FAM135B: variants seen among roughly 807,000 people sequenced by gnomAD.
The protein encoded by FAM135B is protein FAM135B.
FAM135B carries 43 observed loss-of-function variants against 127.7 expected under a neutral mutation model. That is an observed-to-expected ratio of 0.34 (90% CI 0.26 to 0.43). The LOEUF is 0.43. Ranked by LOEUF, FAM135B falls within the 20% of genes least tolerant of loss-of-function variation. FAM135B has a pLI of 1.00. For synonymous variants in FAM135B, 670 were observed against 665.1 expected, an observed-to-expected ratio of 1.01 and a Z score of -0.11; for missense variants, 1,558 against 1,725.6, an observed-to-expected ratio of 0.90 and a Z score of 1.72.
intron 12 of FAM135B, among the ~76,000 whole-genome samples, chr8:138,162,863 T>C (rs1291032319): frequency 6.6e-6 from 1 of 152,168 alleles, no homozygotes; most frequent in Non-Finnish European, 1.5e-5. Flanking sequence ...CTTGAATGCC[T>C]TGTATAAATG....
At chr8:138,452,537 G>T (rs1288047046) in intron 1 of FAM135B, among the ~76,000 whole-genome samples, 1 of 152,090 alleles carries the variant, frequency 6.6e-6, no homozygotes, top group Non-Finnish European at 1.5e-5. Flanking sequence ...GCGAGCTTCA[G>T]CTTCTACATA....
In FAM135B at chr8:138,212,444, G is replaced by C. The variant is rs144394956; in HGVS notation, c.670-14775C>G. On this transcript the variant is annotated intron_variant, in intron 7 of 19. Coordinates refer to ENST00000395297, the MANE Select transcript of FAM135B (RefSeq NM_015912.4). ...GAAATAAGAGGGAAAAAGGAAATAA[G>C]AGGGAACTAAAGCCTCCTTTTCCTG... Among the ~76,000 whole-genome samples the C allele has an allele frequency of 2.2e-3, 341 of 152,316 alleles. 1 individual carries two copies. Among genetic ancestry groups the C allele is most frequent in the African/African-American group, 7.5e-3 (311 of 41,578 alleles).
intron 1 of FAM135B, among the ~76,000 whole-genome samples, chr8:138,374,215 T>G (rs924407479): frequency 5.9e-5 from 9 of 152,146 alleles, no homozygotes; most frequent in Middle Eastern, 3.2e-3. Context: ...AGCTGATGCT[T>G]AGGGAAAATA....
chr8:138,441,774 T>C (rs1587462097), intron 1 of FAM135B: 1 of 151,976 alleles, frequency 6.6e-6, no homozygotes, highest in East Asian at 2.0e-4. Context: ...AATTCGATCA[T>C]ATGAGTGGAC....
intron 1 of FAM135B, among the ~76,000 whole-genome samples, chr8:138,473,224 T>C (rs1381467017): frequency 6.6e-6 from 1 of 152,142 alleles, no homozygotes; most frequent in African/African-American, 2.4e-5. Flanking sequence ...GAATAAAACA[T>C]GCTGACCTAA....
chr8:138,404,595 A>G (rs1202567448), intron 1 of FAM135B, among the ~76,000 whole-genome samples: 1 of 152,146 alleles, frequency 6.6e-6, no homozygotes, highest in Non-Finnish European at 1.5e-5. Flanking sequence ...CCCAAATCCT[A>G]CAGCTGCCTT....
In FAM135B at chr8:138,467,823, T is replaced by C. The variant is rs1365560687; in HGVS notation, c.-20+28848A>G. 3.9e-5 allele frequency among the ~76,000 whole-genome samples: 6 copies of C among 152,130 alleles called. No individual in the cohort carries two copies. In the East Asian group the frequency reaches 9.6e-4, roughly 24 times the overall value. The stretch of plus-strand genomic sequence containing the variant: ...ATCTATAAGCAAATTTCTTGAAAAA[T>C]TGGGAAATTATGAATGTAGAGTATA... On this transcript the variant is annotated intron_variant, in intron 1 of 19. Coordinates refer to ENST00000395297, the MANE Select transcript of FAM135B (RefSeq NM_015912.4).
At chr8:138,488,957 G>T (rs1016361929) in intron 1 of FAM135B, among the ~76,000 whole-genome samples, 1 of 152,128 alleles carries the variant, frequency 6.6e-6, no homozygotes, top group African/African-American at 2.4e-5. Context: ...GAGCCATCAC[G>T]CCCGGCGTTT....
chr8:138,364,516 T>C (rs998942173), intron 2 of FAM135B, among the ~76,000 whole-genome samples: 13 of 152,214 alleles, frequency 8.5e-5, no homozygotes, highest in Non-Finnish European at 1.8e-4. Context: ...CATAAGATTA[T>C]GCCCTCATCC....
intron 11 of FAM135B, among the ~76,000 whole-genome samples, chr8:138,171,088 G>A (rs1820395556): frequency 6.6e-6 from 1 of 152,142 alleles, no homozygotes; most frequent in Admixed American, 6.5e-5. Flanking sequence ...CACGCTGCCA[G>A]CTCCCTTGGT....
intron 19 of FAM135B, among the ~76,000 whole-genome samples, chr8:138,135,272 G>A (rs1816550352): frequency 6.6e-6 from 1 of 152,152 alleles, no homozygotes; most frequent in Admixed American, 6.6e-5. Context: ...AAGAAAGTAG[G>A]CAAGGAAAAT....
intron 11 of FAM135B, among the ~76,000 whole-genome samples, chr8:138,172,895 A>G (rs10089766): frequency 0.63 from 96,036 of 152,094 alleles, 31,074 homozygotes; most frequent in East Asian, 0.98. Flanking sequence ...CTCCTCCCCT[A>G]CCTCACCCAT....
intron 15 of FAM135B, chr8:138,144,482 T>A (rs948264526): frequency 1.3e-5 from 2 of 150,302 alleles, no homozygotes; most frequent in African/African-American, 4.9e-5. Flanking sequence ...TTTCAGAGCC[T>A]ATTTCCTCAT....
intron 1 of FAM135B, among the ~76,000 whole-genome samples, chr8:138,426,011 A>G (rs1834843729): frequency 5.7e-5 from 1 of 17,612 alleles, no homozygotes; most frequent in Non-Finnish European, 1.0e-4. Context: ...ATATATATAT[A>G]TACACACACA....
intron 2 of FAM135B, among the ~76,000 whole-genome samples, chr8:138,336,211 G>T (rs1444982787): frequency 1.3e-5 from 2 of 151,994 alleles, no homozygotes; most frequent in Non-Finnish European, 2.9e-5. Context: ...AGAAGCAAGA[G>T]CAAACACATT....
rs114193509 is a variant in FAM135B, at chr8:138,176,353, C to T, written c.1103+994G>A. On this transcript the variant is annotated intron_variant, in intron 11 of 19. Coordinates refer to ENST00000395297, the MANE Select transcript of FAM135B (RefSeq NM_015912.4). ...GCAATATTTTTCTCAGTGACCCTCA[C>T]GGTTATGTTTGTATTTGTCAGATTA... 3.4e-3 allele frequency among the ~76,000 whole-genome samples: 514 copies of T among 152,328 alleles called. 2 individuals are homozygous for T. Among genetic ancestry groups the T allele is most frequent in the African/African-American group, 0.011 (448 of 41,580 alleles).
chr8:138,252,067 C>T (rs896502389), intron 5 of FAM135B, among the ~76,000 whole-genome samples: 2 of 152,164 alleles, frequency 1.3e-5, no homozygotes, highest in Non-Finnish European at 2.9e-5. Context: ...AGGGTGACTC[C>T]ATAGATTGAA....
intron 1 of FAM135B, among the ~76,000 whole-genome samples, chr8:138,370,965 G>C (rs1489113568): frequency 6.6e-6 from 1 of 152,150 alleles, no homozygotes; most frequent in Non-Finnish European, 1.5e-5. Context: ...ACCAAGTCTT[G>C]AGTCCCACAC....
At chr8:138,278,436 T>A (rs1378100433) in intron 3 of FAM135B, among the ~76,000 whole-genome samples, 1 of 151,934 alleles carries the variant, frequency 6.6e-6, no homozygotes, top group Non-Finnish European at 1.5e-5. Flanking sequence ...AATATGTGTT[T>A]GCTCAATTAA....
Sources: gnomAD v4.1 joint callset for allele counts (sites outside exome capture counted in the v4.1 genomes callset) on GRCh38, gnomAD v4.1.1 for gene constraint, MANE v1.5 for transcripts, NCBI Gene and HGNC (gene_info 2026-07-23, HGNC 2026-07-21) for gene names.